SLC15A5: variants seen among roughly 807,000 people sequenced by gnomAD.
SLC15A5 encodes the protein solute carrier family 15 member 5.
Under a neutral mutation model 56.1 loss-of-function variants are expected in SLC15A5, and 58 were observed. The observed-to-expected ratio is 1.03, with a 90% CI of 0.84 to 1.29. The LOEUF is 1.29. Among genes scored for constraint, SLC15A5 ranks in the 50% most tolerant of loss-of-function variants. The pLI is 0.00. For missense variants in SLC15A5, 681 were observed against 672.1 expected, an observed-to-expected ratio of 1.01 and a Z score of -0.15; for synonymous variants, 264 against 250.5, an observed-to-expected ratio of 1.05 and a Z score of -0.51.
intron 3 of SLC15A5, among the ~76,000 whole-genome samples, chr12:16,257,351 C>A (rs11056844): frequency 1.3e-5 from 2 of 152,070 alleles, no homozygotes; most frequent in Non-Finnish European, 2.9e-5. Flanking sequence ...AAGCTCAGAG[C>A]TACCTAGGTG....
intron 7 of SLC15A5, among the ~76,000 whole-genome samples, chr12:16,208,231 G>A (rs931211332): frequency 2.0e-5 from 3 of 152,120 alleles, no homozygotes; most frequent in African/African-American, 7.2e-5. Flanking sequence ...CCAATAAGAA[G>A]TCACACTCTC....
intron 5 of SLC15A5, among the ~76,000 whole-genome samples, chr12:16,226,175 ATTC>A (rs1565663440): frequency 6.6e-6 from 1 of 152,196 alleles, no homozygotes; most frequent in Non-Finnish European, 1.5e-5. Context: ...CTCTTCCTCT[ATTC>A]TTTAAATCAT....
rs774728638 is a variant in SLC15A5 at position 16,244,631 on chromosome 12, G to C, written c.924C>G (p.Thr308=). The change falls in exon 4 of 9, where the codon ACC becomes ACG. Residue 308 remains threonine (T), a synonymous_variant. Coordinates refer to ENST00000344941, the MANE Select transcript of SLC15A5 (RefSeq NM_001170798.1). The part of the protein sequence containing the change: ...LHVEDTTFFL[T]LLPLFIFQLL... Reference sequence around the variant, plus strand: ...GCTGAAAAATGAAGAGAGGGAGAAGGGTGAGGAAAAATGTTGTGTCTTCTA... The same window carrying C: ...GCTGAAAAATGAAGAGAGGGAGAAGCGTGAGGAAAAATGTTGTGTCTTCTA... 6.5e-7 allele frequency: 1 copy of C among 1,537,630 alleles called. No individual in the cohort carries two copies.
intron 3 of SLC15A5, among the ~76,000 whole-genome samples, chr12:16,256,525 G>A (rs896211794): frequency 1.3e-5 from 2 of 152,184 alleles, no homozygotes; most frequent in African/African-American, 2.4e-5. Flanking sequence ...TCCCGACTAT[G>A]GGAAATGCTC....
rs74567413 is a variant in SLC15A5, at chr12:16,239,956, G to A, written c.976-89C>T. ...CCACCAGAGGCCTACCCTCTTGCAC[G>A]TACTCTGTGATGGATGAGCTGGATG... On this transcript the variant is annotated intron_variant, in intron 4 of 8. Transcript: ENST00000344941. 289 of 1,180,724 alleles carry A rather than the reference G, an allele frequency of 2.4e-4. 1 individual carries two copies. In the African/African-American group the frequency reaches 3.8e-3, roughly 15 times the overall value. The allele number at this position is 1,180,724 out of a possible 1,614,324, so 73.1% of individuals were successfully genotyped here.
chr12:16,221,652 A>G (rs1209733425), intron 6 of SLC15A5, among the ~76,000 whole-genome samples: 1 of 152,108 alleles, frequency 6.6e-6, no homozygotes, highest in Non-Finnish European at 1.5e-5. Context: ...CAATCAGGGG[A>G]ATGATAGAAC....
At chr12:16,236,977 G>C (rs1173690312) in intron 5 of SLC15A5, among the ~76,000 whole-genome samples, 1 of 152,098 alleles carries the variant, frequency 6.6e-6, no homozygotes, top group Non-Finnish European at 1.5e-5. Context: ...CTATCTTTGT[G>C]ACCCTGATCT....
At chr12:16,261,687 C>T (rs538853396) in intron 2 of SLC15A5, among the ~76,000 whole-genome samples, 1 of 152,170 alleles carries the variant, frequency 6.6e-6, no homozygotes, top group East Asian at 1.9e-4. Flanking sequence ...TTTACATTAT[C>T]ACAACATGTG....
In SLC15A5 at chr12:16,205,090, G is replaced by C. The variant is rs1302781116; in HGVS notation, c.1484-10637C>G. On this transcript the variant is annotated intron_variant, in intron 7 of 8. Coordinates refer to ENST00000344941, the MANE Select transcript of SLC15A5 (RefSeq NM_001170798.1). ...GAGCATATATAAACTGACAAAAGAA[G>C]ACCAAAAGAAAAATAGGCCAAGAAT... Among the ~76,000 whole-genome samples the C allele has an allele frequency of 4.0e-5, 6 of 151,640 alleles. No individual in the cohort carries two copies. The East Asian group carries it at 1.2e-3, about 29-fold the overall frequency.
chr12:16,259,371 C>T lies in SLC15A5; in HGVS notation c.585-1501G>A, dbSNP rs12810057. Among the ~76,000 whole-genome samples the T allele has an allele frequency of 7.4e-3, 1,113 of 151,146 alleles. 11 individuals are homozygous for T. Among genetic ancestry groups the T allele is most frequent in the African/African-American group, 0.026 (1,061 of 41,156 alleles). ...CCTCCCTCTCTTCCCTCCTTCCTTC[C>T]TTCCTTGTTCCTTCCTTCTTTCCTT... On this transcript the variant is annotated intron_variant, in intron 2 of 8. Coordinates refer to ENST00000344941, the MANE Select transcript of SLC15A5 (RefSeq NM_001170798.1).
chr12:16,263,831 C>T (rs756589721), intron 2 of SLC15A5, among the ~76,000 whole-genome samples: 5 of 152,158 alleles, frequency 3.3e-5, no homozygotes, highest in Non-Finnish European at 5.9e-5. Context: ...GTTGTTGAGC[C>T]TGTGGGTGCA....
At chr12:16,231,511 A>T (rs1234708995) in intron 5 of SLC15A5, among the ~76,000 whole-genome samples, 1 of 152,212 alleles carries the variant, frequency 6.6e-6, no homozygotes, top group Non-Finnish European at 1.5e-5. Flanking sequence ...CTGAGGAATC[A>T]TTTAGAAGCT....
chr12:16,203,018 G>C (rs1400092820), intron 7 of SLC15A5, among the ~76,000 whole-genome samples: 2 of 152,084 alleles, frequency 1.3e-5, no homozygotes, highest in Non-Finnish European at 2.9e-5. Flanking sequence ...TACAAAGTTT[G>C]AGTTAGACAG....
At position 16,273,330 on chromosome 12, in the gene SLC15A5, T is replaced by C. The variant is rs115835928; in HGVS notation, c.362-547A>G. On this transcript the variant is annotated intron_variant, in intron 1 of 8. Transcript: ENST00000344941. ...TGTAATGTCTTTCTTATTTCTCTTA[T>C]TTCTCACACAGCTGGATGGAGCCTT... Among the ~76,000 whole-genome samples, 321 of 152,014 alleles carry C rather than the reference T, an allele frequency of 2.1e-3. 3 individuals carry two copies. The highest frequency in any genetic ancestry group is 7.5e-3 in the African/African-American group (309 of 41,462).
At chr12:16,242,227 C>G (rs990489496) in intron 4 of SLC15A5, among the ~76,000 whole-genome samples, 2 of 152,134 alleles carry the variant, frequency 1.3e-5, no homozygotes, top group Non-Finnish European at 2.9e-5. Context: ...ATTATTTCAT[C>G]TGGGGGCAAA....
chr12:16,256,111 A>T (rs1244234741), intron 3 of SLC15A5, among the ~76,000 whole-genome samples: 1 of 152,234 alleles, frequency 6.6e-6, no homozygotes, highest in East Asian at 1.9e-4. Context: ...AAATCCTAAT[A>T]GTTACATTAG....
At chr12:16,207,747 G>C (rs940128452) in intron 7 of SLC15A5, among the ~76,000 whole-genome samples, 2 of 151,800 alleles carry the variant, frequency 1.3e-5, no homozygotes, top group Admixed American at 6.6e-5. Context: ...TCCGCCTCCA[G>C]GGTTCAAGCG....
At chr12:16,229,151 A>G (rs1460399648) in intron 5 of SLC15A5, among the ~76,000 whole-genome samples, 5 of 152,206 alleles carry the variant, frequency 3.3e-5, no homozygotes, top group African/African-American at 1.2e-4. Context: ...GAGCTTATGT[A>G]AATGTAAATT....
chr12:16,207,933 G>A (rs1457319130), intron 7 of SLC15A5, among the ~76,000 whole-genome samples: 2 of 152,114 alleles, frequency 1.3e-5, no homozygotes, highest in East Asian at 1.9e-4. Flanking sequence ...GATTACAGGC[G>A]TGAGCCACTG....
Sources: allele counts gnomAD v4.1 joint callset (sites outside exome capture counted in the v4.1 genomes callset), GRCh38; gene constraint gnomAD v4.1.1; transcripts MANE v1.5; gene names NCBI Gene and HGNC (gene_info 2026-07-23, HGNC 2026-07-21).